The following TFCP2L1 variants were observed in gnomAD, a reference collection of about 807,000 sequenced individuals.
TFCP2L1 encodes the protein transcription factor CP2 like 1.
Under a neutral mutation model 72.2 loss-of-function variants are expected in TFCP2L1, and 12 were observed. The observed-to-expected ratio is 0.17, with a 90% CI of 0.11 to 0.27. TFCP2L1 has a LOEUF of 0.27. Among genes scored for constraint, TFCP2L1 ranks in the 10% least tolerant of loss-of-function variants. The pLI is 1.00. For missense variants in TFCP2L1, 488 were observed against 624.6 expected (o/e 0.78, Z 2.33); for synonymous variants, 260 against 251.0 (o/e 1.04, Z -0.34).
At chr2:121,255,609 G>A (rs1573381049) in intron 2 of TFCP2L1, among the ~76,000 whole-genome samples, 2 of 152,310 alleles carry the variant, frequency 1.3e-5, no homozygotes, top group East Asian at 1.9e-4. Context: ...TCTGTCTGAC[G>A]CCGAAGGTGG....
intron 4 of TFCP2L1, 24 bp from the exon 5 acceptor site, chr2:121,248,294 G>C (rs1242460640): frequency 1.3e-6 from 2 of 1,564,800 alleles, no homozygotes; most frequent in Non-Finnish European, 1.8e-6. Context: ...CACACATACA[G>C]AAAGTGCAAT....
At chr2:121,272,730 G>C (rs1246554285) in intron 2 of TFCP2L1, among the ~76,000 whole-genome samples, 1 of 152,202 alleles carries the variant, frequency 6.6e-6, no homozygotes, top group Non-Finnish European at 1.5e-5. Context: ...GTGAGTGCTT[G>C]CTATGTGCCC....
chr2:121,233,842 A>G (rs1424015667), intron 12 of TFCP2L1, among the ~76,000 whole-genome samples: 2 of 152,216 alleles, frequency 1.3e-5, no homozygotes, highest in African/African-American at 4.8e-5. Context: ...AAGATCTGGG[A>G]CAATCCCAAC....
chr2:121,282,673 C>T (rs1365146361), intron 1 of TFCP2L1, among the ~76,000 whole-genome samples: 1 of 152,140 alleles, frequency 6.6e-6, no homozygotes, highest in African/African-American at 2.4e-5. Flanking sequence ...TAAACAAGTG[C>T]CAAATAAGTG....
chr2:121,266,295 C>T (rs1040908078), intron 2 of TFCP2L1, among the ~76,000 whole-genome samples: 1 of 151,972 alleles, frequency 6.6e-6, no homozygotes, highest in African/African-American at 2.4e-5. Context: ...TCTCCTCCTC[C>T]AAATATCCAC....
At chr2:121,235,412 G>C (rs1233810076) in intron 10 of TFCP2L1, 101 bp from the exon 11 acceptor site, 12 of 1,130,248 alleles carry the variant, frequency 1.1e-5, no homozygotes, top group African/African-American at 3.1e-5. Flanking sequence ...GTGGGGGGTG[G>C]GGAAGAGCCA....
chr2:121,258,522 C>T (rs1487064615), intron 2 of TFCP2L1, among the ~76,000 whole-genome samples: 2 of 152,252 alleles, frequency 1.3e-5, no homozygotes, highest in East Asian at 3.8e-4. Flanking sequence ...GTGCTGTTAG[C>T]ATGTCCACCT....
chr2:121,263,757 C>T (rs138219149), intron 2 of TFCP2L1, among the ~76,000 whole-genome samples: 54 of 152,208 alleles, frequency 3.5e-4, no homozygotes, highest in Non-Finnish European at 6.0e-4. Flanking sequence ...TGTGTGTTTA[C>T]GACAAGGCCA....
At chr2:121,285,006 C>G in intron 1 of TFCP2L1, 42 bp downstream of exon 1, 2 of 1,438,794 alleles carry the variant, frequency 1.4e-6, no homozygotes, top group Admixed American at 2.9e-5. Context: ...CCCGGCCCGC[C>G]GGCCCGGCCC....
intron 7 of TFCP2L1, among the ~76,000 whole-genome samples, chr2:121,242,083 C>CAAAAA (rs541937558): frequency 2.8e-4 from 18 of 65,438 alleles, no homozygotes; most frequent in African/African-American, 5.7e-4. Context: ...ATTACCTACT[C>CAAAAA]AAAAAAAAAA....
chr2:121,238,748 C>T (rs1290225241), intron 8 of TFCP2L1, among the ~76,000 whole-genome samples: 1 of 151,932 alleles, frequency 6.6e-6, no homozygotes, highest in Non-Finnish European at 1.5e-5. Context: ...GAGTTACCCC[C>T]AAAAAGGTAC....
chr2:121,254,581 T>C (rs564753661), intron 2 of TFCP2L1, among the ~76,000 whole-genome samples: 1 of 152,310 alleles, frequency 6.6e-6, no homozygotes, highest in South Asian at 2.1e-4. Flanking sequence ...ATGGATTGCC[T>C]GAGGTCAGGA....
intron 2 of TFCP2L1, among the ~76,000 whole-genome samples, 170 bp from the exon 3 acceptor site, chr2:121,249,817 A>G (rs1322596746): frequency 6.6e-6 from 1 of 152,250 alleles, no homozygotes; most frequent in Non-Finnish European, 1.5e-5. Flanking sequence ...CTGGACTGAC[A>G]TCAGTCTGTC....
intron 6 of TFCP2L1, 36 bp downstream of exon 6, chr2:121,246,782 C>T: frequency 6.2e-7 from 1 of 1,612,242 alleles, no homozygotes; most frequent in Non-Finnish European, 8.5e-7. Flanking sequence ...GCCAGGCCAG[C>T]AGCAGGGCAC....
At chr2:121,243,206 G>A (rs1220388964) in intron 6 of TFCP2L1, among the ~76,000 whole-genome samples, 2 of 152,336 alleles carry the variant, frequency 1.3e-5, no homozygotes, top group South Asian at 2.1e-4. Flanking sequence ...CCTACTTGGC[G>A]AAGTCAGATG....
chr2:121,227,720 TACAC>T (rs144192362), intron 13 of TFCP2L1, among the ~76,000 whole-genome samples: 274 of 147,414 alleles, frequency 1.9e-3, no homozygotes, highest in African/African-American at 3.8e-3. Context: ...AAACATACAA[TACAC>T]ACACACACAC....
intron 1 of TFCP2L1, among the ~76,000 whole-genome samples, 190 bp downstream of exon 1, chr2:121,284,858 C>A (rs146868051): frequency 6.6e-6 from 1 of 152,118 alleles, no homozygotes; most frequent in African/African-American, 2.4e-5. Context: ...CAACTCCGCA[C>A]GTCGGGTCCC....
intron 2 of TFCP2L1, among the ~76,000 whole-genome samples, chr2:121,263,825 G>C (rs547930652): frequency 6.6e-6 from 1 of 152,374 alleles, no homozygotes; most frequent in South Asian, 2.1e-4. Context: ...GATAACATCA[G>C]CTGCCTCTGA....
intron 8 of TFCP2L1, among the ~76,000 whole-genome samples, chr2:121,238,267 C>T (rs1247435367): frequency 6.6e-6 from 1 of 152,160 alleles, no homozygotes; most frequent in Non-Finnish European, 1.5e-5. Flanking sequence ...GGGTCCTCCA[C>T]CAAACCCTTT....
Sources: gnomAD v4.1 joint callset for allele counts (sites outside exome capture counted in the v4.1 genomes callset) on GRCh38, gnomAD v4.1.1 for gene constraint, MANE v1.5 for transcripts, NCBI Gene and HGNC (gene_info 2026-07-23, HGNC 2026-07-21) for gene names.